Variants in TMEM117 observed in about 807,000 individuals in gnomAD.
TMEM117 encodes the protein transmembrane protein 117.
In TMEM117, 27 loss-of-function variants were observed where a neutral mutation model predicts 52.4. That is an observed-to-expected ratio of 0.51 (90% confidence interval 0.38 to 0.71). TMEM117 has a LOEUF of 0.71. Among genes scored for constraint, TMEM117 ranks in the 30% least tolerant of loss-of-function variants. The probability of loss-of-function intolerance (pLI) is 0.00; values close to 1 mark genes in which losing one functional copy is unlikely to be tolerated. For synonymous variants in TMEM117, 215 were observed against 206.3 expected (o/e 1.04, Z -0.36); for missense variants, 556 against 630.5 (o/e 0.88, Z 1.26).
At chr12:44,337,503 T>G (rs2138741467) in intron 6 of TMEM117, among the ~76,000 whole-genome samples, 1 of 152,164 alleles carries the variant, frequency 6.6e-6, no homozygotes, top group South Asian at 2.1e-4. Context: ...AGCTGCTTTG[T>G]GGAGAGAAAG....
chr12:44,027,327 C>T (rs1293390994), intron 3 of TMEM117, among the ~76,000 whole-genome samples: 1 of 151,822 alleles, frequency 6.6e-6, no homozygotes, highest in Non-Finnish European at 1.5e-5. Flanking sequence ...GCATTCACCA[C>T]CATACCCAGC....
intron 3 of TMEM117, among the ~76,000 whole-genome samples, chr12:43,963,586 T>G (rs1236337703): frequency 3.9e-5 from 6 of 152,316 alleles, no homozygotes; most frequent in Middle Eastern, 3.4e-3. Context: ...TAAAGACAGA[T>G]TTCCCTGACA....
At chr12:44,370,505 C>CTTTTTTTTTTTT (rs947989035) in intron 6 of TMEM117, among the ~76,000 whole-genome samples, 3 of 120,426 alleles carry the variant, frequency 2.5e-5, no homozygotes, top group African/African-American at 1.0e-4. Context: ...CACAGAGATT[C>CTTTTTTTTTTTT]TTTTTTTTTT....
chr12:44,134,385 T>C (rs1948459104), intron 3 of TMEM117, among the ~76,000 whole-genome samples: 1 of 152,134 alleles, frequency 6.6e-6, no homozygotes, highest in Non-Finnish European at 1.5e-5. Context: ...CCTGGCTAAT[T>C]TTTTGGTTTT....
chr12:44,244,559 A>G lies in TMEM117; in HGVS notation c.608+33172A>G, dbSNP rs1393519143. 4.0e-5 allele frequency: 6 copies of G among 151,710 alleles called. 1 individual carries two copies. Among genetic ancestry groups the G allele is most frequent in the Admixed American group, 3.9e-4 (6 of 15,202 alleles). The allele number at this position is 151,710 out of a possible 1,614,324, so 9.4% of individuals were successfully genotyped here. A position where few individuals can be genotyped will look rare whatever the true frequency, so the allele number is the denominator to read the frequency against. ...TTTTTAATCAGATTTTTTTTTCTTA[A>G]TATTGAATAGTTTGAGTTCTTTATA... On this transcript the variant is annotated intron_variant, in intron 5 of 7. Transcript: ENST00000266534.
intron 6 of TMEM117, among the ~76,000 whole-genome samples, chr12:44,355,860 C>T (rs1457606805): frequency 2.6e-5 from 4 of 152,152 alleles, no homozygotes; most frequent in African/African-American, 7.2e-5. Context: ...GGACAGGAGA[C>T]ATCTTTGGCA....
intron 5 of TMEM117, among the ~76,000 whole-genome samples, chr12:44,247,864 G>T (rs1423251132): frequency 6.6e-6 from 1 of 152,186 alleles, no homozygotes; most frequent in Non-Finnish European, 1.5e-5. Context: ...CTCACCAGAG[G>T]GTTGGGCTGG....
intron 3 of TMEM117, among the ~76,000 whole-genome samples, chr12:44,047,419 A>G (rs1276749949): frequency 2.6e-5 from 4 of 152,108 alleles, no homozygotes; most frequent in African/African-American, 7.2e-5. Flanking sequence ...GCAACCTTGG[A>G]TTACTAGATA....
At chr12:43,982,628 A>G (rs2137725005) in intron 3 of TMEM117, among the ~76,000 whole-genome samples, 1 of 152,284 alleles carries the variant, frequency 6.6e-6, no homozygotes, top group South Asian at 2.1e-4. Flanking sequence ...ATTCTGGGAG[A>G]AGACCTTCTT....
chr12:44,046,320 A>G (rs1946880440), intron 3 of TMEM117, among the ~76,000 whole-genome samples: 1 of 152,208 alleles, frequency 6.6e-6, no homozygotes, highest in Non-Finnish European at 1.5e-5. Context: ...CTTTAAGTCA[A>G]CAGACTAACA....
chr12:44,302,994 C>T (rs1950859824), intron 6 of TMEM117, among the ~76,000 whole-genome samples: 1 of 151,778 alleles, frequency 6.6e-6, no homozygotes, highest in Admixed American at 6.6e-5. Context: ...GCAGTCGATC[C>T]TAGGTTCTCT....
At chr12:43,869,128 TAACAA>T in intron 2 of TMEM117, among the ~76,000 whole-genome samples, 1 of 152,156 alleles carries the variant, frequency 6.6e-6, no homozygotes, top group South Asian at 2.1e-4. Context: ...AGTCATAACT[TAACAA>T]AACTGACATA....
chr12:43,994,683 G>C (rs1945998769), intron 3 of TMEM117, among the ~76,000 whole-genome samples: 1 of 151,890 alleles, frequency 6.6e-6, no homozygotes, highest in South Asian at 2.1e-4. Flanking sequence ...TCAATTAATT[G>C]AAAGAAAGGT....
chr12:44,251,970 A>G (rs564046275), intron 5 of TMEM117, among the ~76,000 whole-genome samples: 10 of 152,336 alleles, frequency 6.6e-5, no homozygotes, highest in Admixed American at 2.6e-4. Context: ...TTACAGGCGA[A>G]AAAAGAAAAA....
chr12:43,805,979 C>T, the TMEM117 span: 73 of 1,542,954 alleles, frequency 4.7e-5, no homozygotes, highest in Non-Finnish European at 6.1e-5. Context: ...CAATTTCCTT[C>T]GCTCCCCCGA....
chr12:44,285,563 C>T lies in TMEM117; in HGVS notation c.609-14017C>T, dbSNP rs115667121. Among the ~76,000 whole-genome samples the T allele has an allele frequency of 2.5e-3, 382 of 152,300 alleles. 2 individuals carry two copies. The highest frequency in any genetic ancestry group is 7.7e-3 in the African/African-American group (319 of 41,564). ...TTGTGCTCCCTCGACATTTCCTGAT[C>T]TCAAGAGTAGGAAACCAGAAGAGAA... On this transcript the variant is annotated intron_variant, in intron 5 of 7. Coordinates refer to ENST00000266534, the MANE Select transcript of TMEM117 (RefSeq NM_032256.3).
chr12:43,978,175 G>T (rs1299494196), intron 3 of TMEM117, among the ~76,000 whole-genome samples: 1 of 152,130 alleles, frequency 6.6e-6, no homozygotes, highest in Non-Finnish European at 1.5e-5. Context: ...AAGCAGTGAG[G>T]TCATAACTTG....
At chr12:44,094,993 A>T (rs749966696) in intron 3 of TMEM117, among the ~76,000 whole-genome samples, 2 of 152,114 alleles carry the variant, frequency 1.3e-5, no homozygotes, top group Non-Finnish European at 2.9e-5. Context: ...TACCAGACTA[A>T]TTAGTTAAAA....
chr12:44,052,608 C>T (rs1946991346), intron 3 of TMEM117, among the ~76,000 whole-genome samples: 2 of 152,120 alleles, frequency 1.3e-5, no homozygotes, highest in Admixed American at 1.3e-4. Flanking sequence ...CCCTCATTTC[C>T]CAGACACTGC....
Sources: gnomAD v4.1 joint callset for allele counts (sites outside exome capture counted in the v4.1 genomes callset) on GRCh38, gnomAD v4.1.1 for gene constraint, MANE v1.5 for transcripts, NCBI Gene and HGNC (gene_info 2026-07-23, HGNC 2026-07-21) for gene names.